SRPK2: variants seen among roughly 807,000 people sequenced by gnomAD.
SRPK2 encodes SFRS protein kinase 2.
In SRPK2, 21 loss-of-function variants were observed where a neutral mutation model predicts 90.8. That is an observed-to-expected ratio of 0.23 (90% CI 0.16 to 0.33). SRPK2 has a LOEUF of 0.33. Among genes scored for constraint, SRPK2 ranks in the 10% least tolerant of loss-of-function variants. The pLI, the probability that SRPK2 is intolerant of heterozygous loss-of-function variation, is 1.00. For missense variants in SRPK2, 620 were observed against 869.0 expected, an observed-to-expected ratio of 0.71 and a Z score of 3.60; for synonymous variants, 288 against 311.1, an observed-to-expected ratio of 0.93 and a Z score of 0.78.
At chr7:105,145,223 T>C in intron 9 of SRPK2, 60 bp downstream of exon 9, 4 of 1,347,300 alleles carry the variant, frequency 3.0e-6, no homozygotes, top group Non-Finnish European at 4.0e-6. Flanking sequence ...TTTGAACAAC[T>C]CAATAATAAA....
chr7:105,354,163 G>C (rs1174867622), intron 2 of SRPK2, among the ~76,000 whole-genome samples: 4 of 152,146 alleles, frequency 2.6e-5, no homozygotes, highest in African/African-American at 9.7e-5. Context: ...ATGGGTTTGG[G>C]GCTAAGTTGA....
At chr7:105,134,257 G>A (rs1287466476) in intron 11 of SRPK2, among the ~76,000 whole-genome samples, 2 of 152,120 alleles carry the variant, frequency 1.3e-5, no homozygotes, top group Non-Finnish European at 2.9e-5. Flanking sequence ...CTGGATCATG[G>A]GGGCAGATTT....
intron 2 of SRPK2, among the ~76,000 whole-genome samples, chr7:105,281,753 C>T (rs1216931437): frequency 6.6e-6 from 1 of 150,840 alleles, no homozygotes; most frequent in Non-Finnish European, 1.5e-5. Context: ...TAAATTCAAC[C>T]AAGGAAGTAC....
At chr7:105,182,275 C>CA (rs1191948630) in intron 3 of SRPK2, among the ~76,000 whole-genome samples, 2 of 148,430 alleles carry the variant, frequency 1.3e-5, no homozygotes, top group African/African-American at 2.5e-5. Context: ...ACTCTAACAG[C>CA]AAAAAAGAGG....
Position 105,281,136 on chromosome 7 carries a change from G to A in SRPK2, c.72-77351C>T, listed in dbSNP as rs139496627. On this transcript the variant is annotated intron_variant, in intron 2 of 15. Transcript: ENST00000393651. ...TCTGAGACAGGAGTCTCTCTAGGTC[G>A]CCCAGGCTGGAGTATAGTAGCGCGA... is the stretch of plus-strand genomic sequence containing the variant. 4.6e-4 allele frequency among the ~76,000 whole-genome samples: 70 copies of A among 150,870 alleles called. 1 individual carries two copies. Among genetic ancestry groups the A allele is most frequent in the Middle Eastern group, 3.4e-3 (1 of 294 alleles).
chr7:105,124,045 C>T (rs553116889), intron 15 of SRPK2, among the ~76,000 whole-genome samples: 1 of 152,372 alleles, frequency 6.6e-6, no homozygotes. Context: ...TGGAGATACA[C>T]ATCCACAAGC....
intron 7 of SRPK2, among the ~76,000 whole-genome samples, chr7:105,149,146 G>A (rs544201560): frequency 1.3e-5 from 2 of 152,272 alleles, no homozygotes; most frequent in South Asian, 4.2e-4. Flanking sequence ...TGAGATAGAG[G>A]AAGGCCACTG....
upstream of SRPK2, among the ~76,000 whole-genome samples, chr7:105,390,620 T>TTTTG (rs1822148299): frequency 6.7e-6 from 1 of 148,560 alleles, no homozygotes; most frequent in African/African-American, 2.5e-5. Context: ...TTTTTTTTTT[T>TTTTG]TTTTTTTTTT....
At chr7:105,396,355 A>G (rs1263326369) in intron 1 of SRPK2, among the ~76,000 whole-genome samples, 1 of 151,134 alleles carries the variant, frequency 6.6e-6, no homozygotes, top group Admixed American at 6.6e-5. Context: ...GTTAAATGAT[A>G]GCCAGGCGTG....
chr7:105,324,469 C>A (rs1813337704), intron 2 of SRPK2, among the ~76,000 whole-genome samples: 1 of 152,156 alleles, frequency 6.6e-6, no homozygotes, highest in African/African-American at 2.4e-5. Flanking sequence ...GCGTGAGCCA[C>A]CACACCCAAC....
chr7:105,320,830 A>G (rs1407005037), intron 2 of SRPK2, among the ~76,000 whole-genome samples: 5 of 152,130 alleles, frequency 3.3e-5, no homozygotes, highest in Admixed American at 3.3e-4. Context: ...ATAATGGAAC[A>G]CTAGGCACAA....
intron 2 of SRPK2, among the ~76,000 whole-genome samples, chr7:105,217,526 C>T (rs552696352): frequency 1.3e-5 from 2 of 152,180 alleles, no homozygotes; most frequent in Non-Finnish European, 2.9e-5. Flanking sequence ...AATCCATATA[C>T]CTGACAGAGC....
intron 2 of SRPK2, among the ~76,000 whole-genome samples, chr7:105,358,098 C>T (rs1817986989): frequency 6.6e-6 from 1 of 151,868 alleles, no homozygotes; most frequent in Admixed American, 6.6e-5. Context: ...CTGGCATGTT[C>T]CTGGAGTCCC....
chr7:105,156,408 C>A (rs1006364788), intron 7 of SRPK2, among the ~76,000 whole-genome samples: 1 of 152,230 alleles, frequency 6.6e-6, no homozygotes, highest in Non-Finnish European at 1.5e-5. Flanking sequence ...ATACCTGGCA[C>A]ATAGTAAGCA....
At chr7:105,244,958 C>T in intron 2 of SRPK2, 2 of 1,438,020 alleles carry the variant, frequency 1.4e-6, no homozygotes, top group Non-Finnish European at 1.9e-6. Context: ...AAGCCGCTGC[C>T]AAGAAAGACT....
chr7:105,389,016 G>T (rs892561974), upstream of SRPK2: 123 of 963,280 alleles, frequency 1.3e-4, no homozygotes, highest in African/African-American at 2.4e-3. Flanking sequence ...CCGGCCCCGG[G>T]GGTCGGGACC....
intron 2 of SRPK2, among the ~76,000 whole-genome samples, chr7:105,345,267 G>A (rs994467455): frequency 1.3e-5 from 2 of 151,676 alleles, no homozygotes; most frequent in East Asian, 3.9e-4. Context: ...GAAGGAAAGG[G>A]GGATTTTAAG....
chr7:105,124,658 A>AAAAAAAAAAAAAAAAAC, intron 15 of SRPK2, among the ~76,000 whole-genome samples: 1 of 150,228 alleles, frequency 6.7e-6, no homozygotes, highest in Non-Finnish European at 1.5e-5. Flanking sequence ...AAAAAAAAAA[A>AAAAAAAAAAAAAAAAAC]ATCAATGTGG....
At chr7:105,290,869 T>G (rs1380980750) in intron 2 of SRPK2, among the ~76,000 whole-genome samples, 6 of 144,958 alleles carry the variant, frequency 4.1e-5, no homozygotes, top group African/African-American at 1.5e-4. Flanking sequence ...AAACCCCGTC[T>G]CTACTAAAAA....
Sources: gnomAD v4.1 joint callset for allele counts (sites outside exome capture counted in the v4.1 genomes callset) on GRCh38, gnomAD v4.1.1 for gene constraint, MANE v1.5 for transcripts, NCBI Gene and HGNC (gene_info 2026-07-23, HGNC 2026-07-21) for gene names.